The following RNF145 variants were observed in gnomAD, a reference collection of about 807,000 sequenced individuals.
The protein encoded by RNF145 is ring finger protein 145.
A neutral mutation model predicts 57.3 loss-of-function variants in RNF145; 12 were observed. The ratio of observed to expected loss-of-function variants is 0.21; its 90% CI spans 0.13 to 0.34. The LOEUF (loss-of-function observed/expected upper bound fraction) is 0.34. Ranked by LOEUF, RNF145 falls within the 10% of genes least tolerant of loss-of-function variation. The pLI, the probability that RNF145 is intolerant of heterozygous loss-of-function variation, is 1.00. For synonymous variants in RNF145, 262 were observed against 288.3 expected (o/e 0.91, Z 0.92); for missense variants, 429 against 799.0 (o/e 0.54, Z 5.58).
chr5:159,192,126 A>G (rs1318471452), intron 3 of RNF145, among the ~76,000 whole-genome samples: 1 of 152,188 alleles, frequency 6.6e-6, no homozygotes, highest in Non-Finnish European at 1.5e-5. Flanking sequence ...AATATAGTAT[A>G]AAAACTATTT....
chr5:159,182,594 A>C (rs932154904), intron 3 of RNF145, among the ~76,000 whole-genome samples: 55 of 152,184 alleles, frequency 3.6e-4, no homozygotes, highest in African/African-American at 1.3e-3. Context: ...GATAATTATA[A>C]TATTTAAGTA....
At chr5:159,167,843 TG>T (rs1261558516) in intron 8 of RNF145, among the ~76,000 whole-genome samples, 4 of 152,178 alleles carry the variant, frequency 2.6e-5, no homozygotes, top group Non-Finnish European at 5.9e-5. Context: ...TGGCAATGTG[TG>T]TTATGGGGAT....
intron 1 of RNF145, chr5:159,207,327 AT>A: frequency 1.8e-6 from 1 of 545,076 alleles, no homozygotes; most frequent in Non-Finnish European, 3.2e-6. Flanking sequence ...TATTTCTCTT[AT>A]TTGAGTTCTT....
At chr5:159,203,933 G>T (rs932232950) in intron 1 of RNF145, among the ~76,000 whole-genome samples, 1 of 152,074 alleles carries the variant, frequency 6.6e-6, no homozygotes, top group African/African-American at 2.4e-5. Context: ...TCCAAATCTA[G>T]GAACAAAACA....
intron 3 of RNF145, among the ~76,000 whole-genome samples, chr5:159,184,290 GTCTT>G (rs1784990001): frequency 6.6e-6 from 1 of 151,990 alleles, no homozygotes; most frequent in African/African-American, 2.4e-5. Flanking sequence ...TAAAAACTTT[GTCTT>G]TCTTTAGAGT....
At chr5:159,173,774 T>C (rs1232143198) in intron 6 of RNF145, among the ~76,000 whole-genome samples, 2 of 152,190 alleles carry the variant, frequency 1.3e-5, no homozygotes, top group African/African-American at 4.8e-5. Flanking sequence ...TACACTCTGG[T>C]CCATAGTGCA....
At chr5:159,194,454 C>T (rs1232783904) in intron 3 of RNF145, among the ~76,000 whole-genome samples, 1 of 152,198 alleles carries the variant, frequency 6.6e-6, no homozygotes, top group African/African-American at 2.4e-5. Flanking sequence ...GTGTGAGCCA[C>T]CACGCCCAGC....
rs183244640 is a variant in RNF145, at chr5:159,207,366, T to A, written c.-40+1865A>T. 3.2e-4 allele frequency: 232 copies of A among 714,048 alleles called. 1 individual carries two copies. The highest frequency in any genetic ancestry group is 2.8e-3 in the African/African-American group (154 of 55,032). 44.2% of individuals were successfully genotyped at this position (714,048 alleles called of 1,614,324 possible). A position where few individuals can be genotyped will look rare whatever the true frequency, so the allele number is the denominator to read the frequency against. The stretch of plus-strand genomic sequence containing the variant: ...AAAATACACCTCCTAAACTTTTTTT[T>A]AAAAAGACAAAGAAAAAACAAGAAT... On this transcript the variant is annotated intron_variant, in intron 1 of 10. Transcript: ENST00000424310.
chr5:159,209,760 AC>A, upstream of RNF145: 1 of 1,298,698 alleles, frequency 7.7e-7, no homozygotes, highest in South Asian at 1.3e-5. Context: ...CTGCAGAGAC[AC>A]CTGGACGCGC....
intron 4 of RNF145, among the ~76,000 whole-genome samples, chr5:159,181,754 C>T (rs1400048938): frequency 6.7e-6 from 1 of 148,844 alleles, no homozygotes; most frequent in Non-Finnish European, 1.5e-5. Context: ...GCACTATGTA[C>T]AATATGACTA....
At chr5:159,161,756 GA>G (rs968525577) in intron 9 of RNF145, 134 bp from the exon 10 acceptor site, 23 of 486,032 alleles carry the variant, frequency 4.7e-5, no homozygotes, top group African/African-American at 2.0e-4. Flanking sequence ...GTATCCAGGG[GA>G]AAAAAAAGTT....
chr5:159,204,388 G>C (rs983500923), intron 1 of RNF145, among the ~76,000 whole-genome samples: 5 of 107,182 alleles, frequency 4.7e-5, no homozygotes, highest in African/African-American at 1.7e-4. Context: ...ATAAGTAGTG[G>C]GGGGGGGCAG....
intron 6 of RNF145, among the ~76,000 whole-genome samples, chr5:159,173,589 T>C (rs1784622165): frequency 6.6e-6 from 1 of 152,184 alleles, no homozygotes. Flanking sequence ...ACCTATCTCT[T>C]AGGGTCGTTG....
chr5:159,168,230 A>G (rs1018984270), intron 8 of RNF145, among the ~76,000 whole-genome samples: 3 of 152,172 alleles, frequency 2.0e-5, no homozygotes, highest in Non-Finnish European at 2.9e-5. Flanking sequence ...CACGAACCTC[A>G]AAAATATATA....
chr5:159,203,770 G>A (rs1426166555), intron 1 of RNF145, 114 bp from the exon 2 acceptor site: 20 of 643,918 alleles, frequency 3.1e-5, no homozygotes, highest in Non-Finnish European at 4.5e-5. Flanking sequence ...ATGTGAGAAC[G>A]TATACTACTT....
At chr5:159,196,527 C>T (rs537032032) in intron 2 of RNF145, among the ~76,000 whole-genome samples, 1 of 152,252 alleles carries the variant, frequency 6.6e-6, no homozygotes, top group Non-Finnish European at 1.5e-5. Context: ...CACAGGTACT[C>T]CTACTTATCC....
At chr5:159,164,595 C>A (rs566208743) in intron 8 of RNF145, among the ~76,000 whole-genome samples, 39 of 151,984 alleles carry the variant, frequency 2.6e-4, no homozygotes, top group African/African-American at 9.2e-4. Context: ...ACATATATGT[C>A]CTTATCTAAA....
At chr5:159,207,697 T>G in intron 1 of RNF145, 3 of 1,613,130 alleles carry the variant, frequency 1.9e-6, no homozygotes, top group Non-Finnish European at 2.5e-6. Context: ...ATGGCACATG[T>G]TTTAAATATA....
intron 6 of RNF145, among the ~76,000 whole-genome samples, chr5:159,171,697 G>A (rs1784564571): frequency 6.6e-6 from 1 of 152,008 alleles, no homozygotes; most frequent in Non-Finnish European, 1.5e-5. Context: ...TGGTTGGTGT[G>A]TTTGTTTAGT....
Sources: gnomAD v4.1 joint callset for allele counts (sites outside exome capture counted in the v4.1 genomes callset) on GRCh38, gnomAD v4.1.1 for gene constraint, MANE v1.5 for transcripts, NCBI Gene and HGNC (gene_info 2026-07-23, HGNC 2026-07-21) for gene names.